The following ATXN8OS variants were observed in gnomAD, a reference collection of about 807,000 sequenced individuals.
ATXN8OS encodes ATXN8 opposite strand lncRNA.
intron 2 of ATXN8OS, among the ~76,000 whole-genome samples, chr13:70,122,662 T>A (rs969236289): frequency 6.6e-6 from 1 of 152,050 alleles, no homozygotes; most frequent in Non-Finnish European, 1.5e-5. Context: ...AACTATGGTA[T>A]GTATATTTGA....
chr13:70,107,848 C>A, exon 1 of ATXN8OS: 1 of 619,344 alleles, frequency 1.6e-6, no homozygotes, highest in Non-Finnish European at 2.6e-6. Context: ...GTGGGCTGCG[C>A]GCTCTGCCAG....
intron 1 of ATXN8OS, chr13:70,115,105 G>A (rs1021676811): frequency 5.0e-6 from 2 of 397,502 alleles, no homozygotes; most frequent in Non-Finnish European, 8.9e-6. Context: ...TACATACTGG[G>A]TAATTTATAA....
intron 2 of ATXN8OS, among the ~76,000 whole-genome samples, chr13:70,127,970 A>AT (rs1888467584): frequency 6.6e-6 from 1 of 151,960 alleles, no homozygotes; most frequent in African/African-American, 2.4e-5. Context: ...AGGTACTTTC[A>AT]TTTTATGTTG....
At chr13:70,152,704 T>C (rs533170208) in intron 4 of ATXN8OS, among the ~76,000 whole-genome samples, 8 of 152,144 alleles carry the variant, frequency 5.3e-5, no homozygotes, top group African/African-American at 1.9e-4. Flanking sequence ...AATTTAGCAG[T>C]AGTTATTATC....
At chr13:70,158,530 T>G (rs1179589043) in intron 4 of ATXN8OS, among the ~76,000 whole-genome samples, 3 of 152,240 alleles carry the variant, frequency 2.0e-5, no homozygotes, top group Non-Finnish European at 2.9e-5. Flanking sequence ...TATGCCTAGA[T>G]GGCAATGCTA....
chr13:70,130,824 G>A, intron 3 of ATXN8OS: 6 of 398,530 alleles, frequency 1.5e-5, no homozygotes, highest in Non-Finnish European at 2.7e-5. Flanking sequence ...AATGACCAGG[G>A]AGAATGAAGA....
exon 5 of ATXN8OS, among the ~76,000 whole-genome samples, chr13:70,170,096 C>G (rs529095418): frequency 7.9e-5 from 12 of 152,098 alleles, no homozygotes; most frequent in Non-Finnish European, 1.6e-4. Flanking sequence ...AGGTGTCCTG[C>G]CTTAGTTCCA....
chr13:70,147,303 A>C (rs1325309955), intron 3 of ATXN8OS, among the ~76,000 whole-genome samples: 1 of 152,216 alleles, frequency 6.6e-6, no homozygotes, highest in Non-Finnish European at 1.5e-5. Context: ...TAGAGAAAAT[A>C]AGTATAATTT....
intron 2 of ATXN8OS, chr13:70,129,671 A>G: frequency 2.5e-6 from 1 of 396,492 alleles, no homozygotes; most frequent in Non-Finnish European, 4.4e-6. Context: ...GTTCATTTAG[A>G]AATGTTCTTA....
intron 3 of ATXN8OS, chr13:70,139,371 ACTACTACTACTACTGCTGCTG>A (rs1363178590): frequency 6.2e-6 from 4 of 643,210 alleles, no homozygotes; most frequent in Admixed American, 2.5e-5. Context: ...TACTACTACT[ACTACTACTACTACTGCTGCTG>A]CTGCTGCTGC....
At position 70,160,410 on chromosome 13, in the gene ATXN8OS, A is replaced by G. The variant is rs540109592; in HGVS notation, n.574-9343A>G. On this transcript the variant is annotated intron_variant and non_coding_transcript_variant, in intron 4 of 4. Coordinates refer to ENST00000678624, the Ensembl canonical transcript of ATXN8OS. ...TCCAGAAGCTAAGCAGTCCAAGATC[A>G]AAGTGCCCACAGATGCAGTGTCTGG... 1.2e-3 allele frequency among the ~76,000 whole-genome samples: 189 copies of G among 152,078 alleles called. 3 individuals carry two copies. The South Asian group carries it at 0.038, about 31-fold the overall frequency.
chr13:70,132,974 A>G (rs748056458), intron 3 of ATXN8OS, among the ~76,000 whole-genome samples: 1 of 152,200 alleles, frequency 6.6e-6, no homozygotes, highest in Non-Finnish European at 1.5e-5. Flanking sequence ...TTCAAGCTGT[A>G]GCCTCTAAAA....
chr13:70,117,483 C>T (rs927429253), intron 2 of ATXN8OS, among the ~76,000 whole-genome samples: 9 of 152,132 alleles, frequency 5.9e-5, no homozygotes, highest in African/African-American at 9.6e-5. Flanking sequence ...CAAGAAGTCA[C>T]AGCTTGAGCA....
intron 3 of ATXN8OS, among the ~76,000 whole-genome samples, chr13:70,141,952 C>T (rs1238984222): frequency 2.6e-5 from 4 of 152,018 alleles, no homozygotes; most frequent in Non-Finnish European, 1.5e-5. Flanking sequence ...GGCAGGGTCT[C>T]GGCTCACTGC....
At chr13:70,138,372 T>G (rs1888649164) in intron 3 of ATXN8OS, among the ~76,000 whole-genome samples, 1 of 131,004 alleles carries the variant, frequency 7.6e-6, no homozygotes. Context: ...AAATCTAAAT[T>G]TTAAATGTTA....
intron 3 of ATXN8OS, among the ~76,000 whole-genome samples, chr13:70,143,348 T>C (rs1028487139): frequency 3.3e-5 from 5 of 152,124 alleles, no homozygotes; most frequent in African/African-American, 1.2e-4. Flanking sequence ...CTATTGATGA[T>C]GATGAGAGTC....
intron 1 of ATXN8OS, among the ~76,000 whole-genome samples, chr13:70,110,806 G>C (rs1200400340): frequency 6.6e-6 from 1 of 152,076 alleles, no homozygotes; most frequent in Non-Finnish European, 1.5e-5. Flanking sequence ...CATGCAGCTT[G>C]CTGGAAGAAC....
intron 4 of ATXN8OS, among the ~76,000 whole-genome samples, chr13:70,164,638 T>C (rs1406872926): frequency 6.6e-6 from 1 of 151,990 alleles, no homozygotes; most frequent in African/African-American, 2.4e-5. Context: ...CAAATATGCT[T>C]TGGAATGTTT....
intron 4 of ATXN8OS, among the ~76,000 whole-genome samples, chr13:70,162,514 C>T (rs984805150): frequency 2.6e-5 from 4 of 151,990 alleles, no homozygotes; most frequent in Admixed American, 6.6e-5. Flanking sequence ...GAAGCAGGGA[C>T]GTTGTTGCAG....
Sources: allele counts gnomAD v4.1 joint callset (sites outside exome capture counted in the v4.1 genomes callset), GRCh38; gene constraint gnomAD v4.1.1; transcripts MANE v1.5; gene names NCBI Gene and HGNC (gene_info 2026-07-23, HGNC 2026-07-21).